Variants in ROR1 observed in about 807,000 individuals in gnomAD.
ROR1 encodes inactive tyrosine-protein kinase transmembrane receptor ROR1.
ROR1 carries 19 observed loss-of-function variants against 78.8 expected under a neutral mutation model. The observed-to-expected ratio is 0.24, with a 90% CI of 0.17 to 0.35. The LOEUF (loss-of-function observed/expected upper bound fraction) is 0.35. Ranked by LOEUF, ROR1 falls within the 10% of genes least tolerant of loss-of-function variation. ROR1 has a pLI of 1.00. For missense variants in ROR1, 917 were observed against 1,177.8 expected, an observed-to-expected ratio of 0.78 and a Z score of 3.24; for synonymous variants, 386 against 433.6, an observed-to-expected ratio of 0.89 and a Z score of 1.36.
chr1:64,150,450 C>G lies in ROR1; in HGVS notation c.1174+7800C>G, dbSNP rs145900926. The stretch of plus-strand genomic sequence containing the variant: ...GCTCCAGTTTGTCACAAACCATATT[C>G]TGCAACGTGGTGGTTTACAGTTCGG... On this transcript the variant is annotated intron_variant, in intron 7 of 8. Transcript: ENST00000371079. Among the ~76,000 whole-genome samples, 277 of 152,342 alleles carry G rather than the reference C, an allele frequency of 1.8e-3. 3 individuals carry two copies. In the East Asian group the frequency reaches 0.04, roughly 22 times the overall value.
At chr1:63,904,962 G>A (rs1002854111) in intron 1 of ROR1, among the ~76,000 whole-genome samples, 1 of 152,058 alleles carries the variant, frequency 6.6e-6, no homozygotes, top group African/African-American at 2.4e-5. Context: ...CTGGCTCCTC[G>A]TGGGATCGCA....
At chr1:63,845,606 G>C (rs940998552) in intron 1 of ROR1, among the ~76,000 whole-genome samples, 1 of 151,998 alleles carries the variant, frequency 6.6e-6, no homozygotes, top group African/African-American at 2.4e-5. Flanking sequence ...TTTCTTTTAG[G>C]TTCCTGTTTC....
chr1:64,021,174 A>G (rs1047330696), intron 2 of ROR1, among the ~76,000 whole-genome samples: 3 of 152,218 alleles, frequency 2.0e-5, no homozygotes, highest in African/African-American at 7.2e-5. Context: ...AAGTCAGACC[A>G]GACGAACTCT....
intron 4 of ROR1, among the ~76,000 whole-genome samples, chr1:64,093,424 T>C (rs565109759): frequency 6.6e-6 from 1 of 152,292 alleles, no homozygotes; most frequent in East Asian, 1.9e-4. Context: ...CAAGATGCTT[T>C]TTAATTTTTT....
At chr1:64,096,532 C>A (rs926414305) in intron 4 of ROR1, among the ~76,000 whole-genome samples, 2 of 152,124 alleles carry the variant, frequency 1.3e-5, no homozygotes, top group African/African-American at 4.8e-5. Flanking sequence ...GGATAATGGC[C>A]TCCAGCTCCG....
At chr1:63,856,371 T>C (rs1645149116) in intron 1 of ROR1, among the ~76,000 whole-genome samples, 1 of 152,238 alleles carries the variant, frequency 6.6e-6, no homozygotes, top group South Asian at 2.1e-4. Context: ...GCTCTCCTCG[T>C]GGCGTGGGGA....
At chr1:64,049,527 C>T (rs1646811113) in intron 2 of ROR1, among the ~76,000 whole-genome samples, 164 bp from the exon 3 acceptor site, 1 of 152,060 alleles carries the variant, frequency 6.6e-6, no homozygotes, top group Non-Finnish European at 1.5e-5. Context: ...ATTTAGCAGT[C>T]CTCTGGTCTT....
intron 7 of ROR1, 139 bp from the exon 8 acceptor site, chr1:64,158,842 A>G: frequency 3.1e-6 from 2 of 640,312 alleles, no homozygotes; most frequent in Non-Finnish European, 5.5e-6. Flanking sequence ...GGTAATAAGC[A>G]GTGGATTCCT....
chr1:63,940,264 C>A (rs1457612712), intron 1 of ROR1, among the ~76,000 whole-genome samples: 1 of 152,008 alleles, frequency 6.6e-6, no homozygotes, highest in South Asian at 2.1e-4. Context: ...ACAAATTAAG[C>A]CTGGAGCACT....
At chr1:64,165,761 G>A (rs188822750) in intron 8 of ROR1, among the ~76,000 whole-genome samples, 2 of 140,996 alleles carry the variant, frequency 1.4e-5, no homozygotes, top group African/African-American at 5.3e-5. Flanking sequence ...CTGAAGTGCA[G>A]TGGTGTGATC....
chr1:64,061,056 A>G lies in ROR1; in HGVS notation c.482+10340A>G, dbSNP rs952516548. Among the ~76,000 whole-genome samples the G allele has an allele frequency of 2.0e-5, 3 of 152,102 alleles. No individual in the cohort carries two copies. The South Asian group carries it at 6.2e-4, about 32-fold the overall frequency. ...CTGAGAGCTTGTTCACCAGGCTGTG[A>G]GTTTCTCAGTCTATCTGTTTCTCAG... On this transcript the variant is annotated intron_variant, in intron 4 of 8. Transcript: ENST00000371079.
At chr1:64,078,423 G>T (rs1647070530) in intron 4 of ROR1, among the ~76,000 whole-genome samples, 1 of 152,280 alleles carries the variant, frequency 6.6e-6, no homozygotes, top group Middle Eastern at 3.4e-3. Flanking sequence ...AGTGAAGTGA[G>T]AACTAAGTGG....
chr1:64,172,724 C>T (rs1169182314), intron 8 of ROR1, among the ~76,000 whole-genome samples: 1 of 152,128 alleles, frequency 6.6e-6, no homozygotes, highest in African/African-American at 2.4e-5. Flanking sequence ...GATTTATAAC[C>T]CCTTAACTTG....
At chr1:63,985,963 G>A (rs1205243105) in intron 1 of ROR1, among the ~76,000 whole-genome samples, 4 of 152,098 alleles carry the variant, frequency 2.6e-5, no homozygotes, top group Non-Finnish European at 2.9e-5. Flanking sequence ...CTTTAAGTGG[G>A]ATGTTACAAG....
chr1:63,945,744 A>G (rs1645882258), intron 1 of ROR1, among the ~76,000 whole-genome samples: 1 of 152,238 alleles, frequency 6.6e-6, no homozygotes, highest in Non-Finnish European at 1.5e-5. Flanking sequence ...GATCTTAAAC[A>G]TTATACTTTA....
chr1:63,830,333 G>T (rs1476439747), intron 1 of ROR1, among the ~76,000 whole-genome samples: 3 of 152,212 alleles, frequency 2.0e-5, no homozygotes, highest in African/African-American at 7.2e-5. Context: ...CTGCTATAAA[G>T]AACTACCCGA....
rs941042354 is a variant in ROR1 at position 63,774,516 on chromosome 1, G to T, written c.91+8G>T. On this transcript the variant is annotated splice_region_variant and intron_variant, in intron 1 of 8. Transcript: ENST00000371079. The surrounding 1 kb of genome is among the most constrained non-coding windows in gnomAD (Gnocchi z 5.7). ...GCGGGGCTGCTGCCCAAGGTAAGAG[G>T]CGCCCGCCGGCCCCCGCCCGCCCAG... 2.2e-4 allele frequency: 244 copies of T among 1,113,862 alleles called. No homozygotes were observed. The highest frequency in any genetic ancestry group is 2.6e-4 in the Non-Finnish European group (238 of 915,262). 69.0% of individuals were successfully genotyped at this position (1,113,862 alleles called of 1,614,324 possible).
intron 4 of ROR1, among the ~76,000 whole-genome samples, chr1:64,079,896 T>A (rs834345): frequency 0.36 from 55,052 of 151,806 alleles, 13,236 homozygotes; most frequent in African/African-American, 0.69. Context: ...ATGCTCTAGT[T>A]TGAGAAAAAT....
At chr1:63,955,105 C>A (rs1645970514) in intron 1 of ROR1, among the ~76,000 whole-genome samples, 1 of 152,082 alleles carries the variant, frequency 6.6e-6, no homozygotes, top group East Asian at 1.9e-4. Flanking sequence ...AAGGCATAGA[C>A]AATTAGAGGC....
Sources: gnomAD v4.1 joint callset for allele counts (sites outside exome capture counted in the v4.1 genomes callset) on GRCh38, gnomAD v4.1.1 for gene constraint, Gnocchi (gnomAD v3.1) non-coding constraint, MANE v1.5 for transcripts, NCBI Gene and HGNC (gene_info 2026-07-23, HGNC 2026-07-21) for gene names.